Variants in SEMA3D observed in about 807,000 individuals in gnomAD.
SEMA3D encodes the protein semaphorin 3D.
In SEMA3D, 84 loss-of-function variants were observed where a neutral mutation model predicts 100.1. The observed-to-expected ratio is 0.84, with a 90% CI of 0.70 to 1.01. The LOEUF (loss-of-function observed/expected upper bound fraction) is 1.01. Ranked by LOEUF, SEMA3D falls within the 50% of genes least tolerant of loss-of-function variation. The probability of loss-of-function intolerance (pLI) is 0.00; values close to 1 mark genes in which losing one functional copy is unlikely to be tolerated. For synonymous variants in SEMA3D, 312 were observed against 320.7 expected, an observed-to-expected ratio of 0.97 and a Z score of 0.29; for missense variants, 875 against 934.1, an observed-to-expected ratio of 0.94 and a Z score of 0.82.
chr7:85,233,578 C>A, the SEMA3D span, among the ~76,000 whole-genome samples: 1 of 152,158 alleles, frequency 6.6e-6, no homozygotes, highest in Non-Finnish European at 1.5e-5. Context: ...ATTATGTTTA[C>A]CTGGACAGCA....
intron 4 of SEMA3D, among the ~76,000 whole-genome samples, chr7:85,088,307 C>T (rs1035815403): frequency 6.6e-6 from 1 of 152,114 alleles, no homozygotes; most frequent in Non-Finnish European, 1.5e-5. Context: ...CTCTTTGTTT[C>T]ATCTTTGGAG....
chr7:85,121,451 A>G (rs958217600), intron 3 of SEMA3D, among the ~76,000 whole-genome samples: 15 of 152,210 alleles, frequency 9.9e-5, no homozygotes, highest in Admixed American at 1.3e-4. Context: ...ATGTGTTAAC[A>G]TTTTTCTATT....
rs767210543 is a variant in SEMA3D at position 84,999,758 on chromosome 7, G to T, written c.2016C>A (p.Phe672Leu). Residue 672 changes from phenylalanine (F) to leucine (L), a missense_variant, in exon 19 of 19, where the codon TTC becomes TTA. By Grantham distance (22) the Phe-to-Leu change is conservative. Transcript: ENST00000284136. ...AAGTCAGCTTCACTATGGTGTGGAT[G>T]AAAGTGTGCTCCTGGGCTTTGCAGT... is the stretch of plus-strand genomic sequence containing the variant. The part of the protein sequence containing the change: ...MYYCKAQEHT[F>L]IHTIVKLTLN... 1 of 1,614,016 alleles carries T rather than the reference G, an allele frequency of 6.2e-7. No individual in the cohort carries two copies.
At chr7:85,074,232 A>G (rs751405482) in intron 5 of SEMA3D, among the ~76,000 whole-genome samples, 1 of 152,184 alleles carries the variant, frequency 6.6e-6, no homozygotes, top group Non-Finnish European at 1.5e-5. Context: ...ATTGCATAGA[A>G]AAAGTCCAGT....
chr7:85,117,745 C>T (rs534556961), intron 3 of SEMA3D, among the ~76,000 whole-genome samples: 5 of 150,976 alleles, frequency 3.3e-5, no homozygotes, highest in South Asian at 2.1e-4. Context: ...TGTACTTGAG[C>T]GTGGGAGACA....
At chr7:85,081,601 G>A (rs770938628) in intron 4 of SEMA3D, 22 bp from the exon 5 acceptor site, 1 of 1,558,102 alleles carries the variant, frequency 6.4e-7, no homozygotes, top group Non-Finnish European at 8.9e-7. Context: ...TTCAAAGTAT[G>A]TTACAACCTG....
At chr7:85,232,514 T>G in the SEMA3D span, among the ~76,000 whole-genome samples, 1 of 152,220 alleles carries the variant, frequency 6.6e-6, no homozygotes, top group Non-Finnish European at 1.5e-5. Context: ...GATAATATCC[T>G]CCTGCACATG....
chr7:85,189,061 C>T (rs1436530720), upstream of SEMA3D, among the ~76,000 whole-genome samples: 1 of 152,130 alleles, frequency 6.6e-6, no homozygotes, highest in African/African-American at 2.4e-5. Flanking sequence ...GTATCCTGAA[C>T]ATATCATGAG....
the SEMA3D span, among the ~76,000 whole-genome samples, chr7:85,235,130 T>A: frequency 6.6e-6 from 1 of 152,174 alleles, no homozygotes; most frequent in African/African-American, 2.4e-5. Context: ...AGAATAATAG[T>A]GTTGGTGTAT....
At chr7:85,040,313 G>C (rs555888359) in intron 11 of SEMA3D, among the ~76,000 whole-genome samples, 11 of 151,872 alleles carry the variant, frequency 7.2e-5, no homozygotes, top group African/African-American at 2.7e-4. Context: ...ATTTATTTTG[G>C]GACTTTATCT....
chr7:85,093,646 C>T (rs970054966), intron 4 of SEMA3D, among the ~76,000 whole-genome samples: 3 of 151,934 alleles, frequency 2.0e-5, no homozygotes, highest in Admixed American at 6.6e-5. Flanking sequence ...CTATTCCACG[C>T]TAATTGATAA....
intron 2 of SEMA3D, among the ~76,000 whole-genome samples, chr7:85,150,785 A>C (rs1562836398): frequency 1.3e-5 from 2 of 151,956 alleles, no homozygotes; most frequent in Non-Finnish European, 2.9e-5. Flanking sequence ...AAGACCTGGC[A>C]TAACAATGCC....
chr7:85,217,608 A>G, the SEMA3D span, among the ~76,000 whole-genome samples: 4 of 152,092 alleles, frequency 2.6e-5, no homozygotes. Context: ...CCCAGGAACC[A>G]GTAGATAAGG....
intron 3 of SEMA3D, 109 bp from the exon 4 acceptor site, chr7:85,098,074 G>C: frequency 1.8e-6 from 1 of 558,524 alleles, no homozygotes; most frequent in Non-Finnish European, 2.8e-6. Context: ...GAAAAGGAAA[G>C]AAAAAGAAAG....
intron 8 of SEMA3D, among the ~76,000 whole-genome samples, chr7:85,063,380 A>G (rs1791528573): frequency 6.6e-6 from 1 of 152,220 alleles, no homozygotes; most frequent in Non-Finnish European, 1.5e-5. Flanking sequence ...TCCTAGAACC[A>G]TAAAAGTCAG....
chr7:85,120,539 G>A (rs554507826), intron 3 of SEMA3D, among the ~76,000 whole-genome samples: 127 of 151,620 alleles, frequency 8.4e-4, no homozygotes, highest in African/African-American at 3.0e-3. Context: ...ATGGTGGTGG[G>A]CACCTGTAAT....
chr7:85,137,004 T>C (rs536981307), intron 2 of SEMA3D, among the ~76,000 whole-genome samples: 3 of 152,090 alleles, frequency 2.0e-5, no homozygotes, highest in Admixed American at 1.3e-4. Context: ...ATGTGACTTA[T>C]GTAGTTTTAG....
chr7:85,106,408 C>T (rs180973999), intron 3 of SEMA3D, among the ~76,000 whole-genome samples: 5 of 151,912 alleles, frequency 3.3e-5, no homozygotes, highest in South Asian at 2.1e-4. Flanking sequence ...TAGACAAATA[C>T]GACAATATGA....
the SEMA3D span, among the ~76,000 whole-genome samples, chr7:85,236,281 T>TTTAATTTATTTA: frequency 7.6e-6 from 1 of 131,976 alleles, no homozygotes; most frequent in Non-Finnish European, 1.5e-5. Flanking sequence ...TTTTATTTTA[T>TTTAATTTATTTA]TTTATTTATT....
Sources: allele counts gnomAD v4.1 joint callset (sites outside exome capture counted in the v4.1 genomes callset), GRCh38; gene constraint gnomAD v4.1.1; transcripts MANE v1.5; gene names NCBI Gene and HGNC (gene_info 2026-07-23, HGNC 2026-07-21).